Variants in LPP observed in about 807,000 individuals in gnomAD.
LPP encodes LIM domain containing preferred translocation partner in lipoma.
LPP carries 38 observed loss-of-function variants against 60.4 expected under a neutral mutation model. That is an observed-to-expected ratio of 0.63 (90% CI 0.49 to 0.83). The LOEUF (loss-of-function observed/expected upper bound fraction) is 0.83. Among genes scored for constraint, LPP ranks in the 40% least tolerant of loss-of-function variants. The pLI is 0.00. For synonymous variants in LPP, 328 were observed against 290.8 expected (o/e 1.13, Z -1.30); for missense variants, 902 against 783.6 (o/e 1.15, Z -1.80).
chr3:188,673,299 T>G (rs1270398583), intron 7 of LPP, among the ~76,000 whole-genome samples: 3 of 131,018 alleles, frequency 2.3e-5, no homozygotes, highest in Non-Finnish European at 4.8e-5. Context: ...ATCTCATGAA[T>G]GACATAGGGC....
chr3:188,643,760 T>G (rs1221995115), intron 7 of LPP, among the ~76,000 whole-genome samples: 2 of 152,180 alleles, frequency 1.3e-5, no homozygotes, highest in Non-Finnish European at 2.9e-5. Flanking sequence ...GTAGCGTCTA[T>G]GTGCTAGGAT....
chr3:188,827,330 T>G (rs1029236337), intron 9 of LPP, among the ~76,000 whole-genome samples: 5 of 152,142 alleles, frequency 3.3e-5, no homozygotes, highest in African/African-American at 1.2e-4. Flanking sequence ...ATTAGACACA[T>G]GATTGTGAGA....
intron 2 of LPP, among the ~76,000 whole-genome samples, chr3:188,328,420 G>T (rs1759057186): frequency 1.3e-5 from 2 of 152,182 alleles, no homozygotes; most frequent in African/African-American, 4.8e-5. Flanking sequence ...AAAAGCATTT[G>T]AAATATTAGA....
intron 7 of LPP, among the ~76,000 whole-genome samples, chr3:188,676,981 G>A (rs1049124309): frequency 2.0e-5 from 3 of 151,976 alleles, no homozygotes; most frequent in African/African-American, 7.3e-5. Context: ...AGGTCCATGT[G>A]GTAAAGAGTG....
chr3:188,181,449 T>C (rs1006008360), intron 1 of LPP, among the ~76,000 whole-genome samples: 2 of 152,182 alleles, frequency 1.3e-5, no homozygotes, highest in African/African-American at 4.8e-5. Flanking sequence ...TCTGTGTATC[T>C]ATCTTTCTAC....
Position 188,881,796 on chromosome 3 carries a change from C to A in LPP, c.*7317C>A, listed in dbSNP as rs993663424. 2 of 219,466 alleles carry A rather than the reference C, an allele frequency of 9.1e-6. No homozygotes were observed. Among genetic ancestry groups the A allele is most frequent in the African/African-American group, 4.5e-5 (2 of 44,640 alleles). 13.6% of individuals were successfully genotyped at this position (219,466 alleles called of 1,614,324 possible). ...ATAAGACATTTTTCCTCCATATTTTCATATTAAATATTAACACTTTATAGG... is the reference window on the plus strand; with the variant it reads ...ATAAGACATTTTTCCTCCATATTTTAATATTAAATATTAACACTTTATAGG... On this transcript the variant is annotated 3_prime_UTR_variant, in exon 12 of 12. Transcript: ENST00000617246.
chr3:188,508,187 G>T (rs554049866), intron 5 of LPP, among the ~76,000 whole-genome samples: 1 of 152,224 alleles, frequency 6.6e-6, no homozygotes, highest in African/African-American at 2.4e-5. Context: ...AATTTGGAAA[G>T]AGGGGGCTTA....
chr3:188,808,438 G>C (rs910477163), intron 9 of LPP, among the ~76,000 whole-genome samples: 1 of 151,968 alleles, frequency 6.6e-6, no homozygotes, highest in African/African-American at 2.4e-5. Flanking sequence ...CCTCTCCCCG[G>C]GACTAAAATC....
intron 7 of LPP, 60 bp from the exon 8 acceptor site, chr3:188,708,207 G>A: frequency 6.3e-7 from 1 of 1,593,334 alleles, no homozygotes; most frequent in Non-Finnish European, 8.6e-7. Flanking sequence ...TGTTTAGGCT[G>A]ACTGCCTTGG....
intron 4 of LPP, among the ~76,000 whole-genome samples, chr3:188,407,811 A>C (rs1784022104): frequency 2.6e-5 from 2 of 76,620 alleles, no homozygotes; most frequent in African/African-American, 6.1e-5. Context: ...TTTTTTTGAG[A>C]TGGAGTTTCA....
At chr3:188,385,695 G>A (rs1393922165) in intron 3 of LPP, among the ~76,000 whole-genome samples, 3 of 152,226 alleles carry the variant, frequency 2.0e-5, no homozygotes, top group African/African-American at 2.4e-5. Flanking sequence ...CAGGCGTTGT[G>A]GAACATGCTT....
chr3:188,394,012 T>C (rs1275664953), intron 3 of LPP, among the ~76,000 whole-genome samples: 1 of 152,216 alleles, frequency 6.6e-6, no homozygotes, highest in Non-Finnish European at 1.5e-5. Flanking sequence ...TTTCTATTTA[T>C]ACTTGGGGTT....
At chr3:188,398,715 G>A (rs1244638335) in intron 3 of LPP, among the ~76,000 whole-genome samples, 4 of 152,186 alleles carry the variant, frequency 2.6e-5, no homozygotes, top group African/African-American at 7.2e-5. Flanking sequence ...GTCTTCCCAC[G>A]CCTCCACCAC....
chr3:188,400,569 C>T (rs1449050425), intron 3 of LPP, among the ~76,000 whole-genome samples: 2 of 152,114 alleles, frequency 1.3e-5, no homozygotes, highest in Non-Finnish European at 2.9e-5. Flanking sequence ...TAAGTGAAAC[C>T]TCTTAGGTTC....
In LPP at chr3:188,200,786, C is replaced by A. The variant is rs1228814137; in HGVS notation, c.-189-24619C>A. On this transcript the variant is annotated intron_variant, in intron 1 of 11. Transcript: ENST00000617246. The stretch of plus-strand genomic sequence containing the variant: ...AGGCACTCTAGCTGGTGGAAATAGT[C>A]TGATTGAGCCAGCCAAGAGAATATA... Among the ~76,000 whole-genome samples the A allele has an allele frequency of 5.3e-5, 8 of 152,258 alleles. 1 individual carries two copies. The East Asian group carries it at 1.5e-3, about 29-fold the overall frequency.
At chr3:188,281,743 C>T (rs1236097094) in intron 2 of LPP, among the ~76,000 whole-genome samples, 4 of 151,868 alleles carry the variant, frequency 2.6e-5, no homozygotes, top group Non-Finnish European at 4.4e-5. Context: ...AAGAAGTTAC[C>T]GTCATTAGCA....
At chr3:188,303,677 A>T (rs1422519770) in intron 2 of LPP, among the ~76,000 whole-genome samples, 3 of 152,134 alleles carry the variant, frequency 2.0e-5, no homozygotes, top group Non-Finnish European at 2.9e-5. Context: ...GAAGCAGGGC[A>T]CTTGTGGTGA....
chr3:188,324,287 C>T (rs1200965570), intron 2 of LPP, among the ~76,000 whole-genome samples: 2 of 152,294 alleles, frequency 1.3e-5, no homozygotes, highest in Non-Finnish European at 2.9e-5. Flanking sequence ...CTTTTTGCCA[C>T]ATCTCTTGAA....
intron 6 of LPP, among the ~76,000 whole-genome samples, chr3:188,597,255 A>T (rs1261883297): frequency 6.6e-6 from 1 of 152,184 alleles, no homozygotes; most frequent in Non-Finnish European, 1.5e-5. Context: ...TGTTTCAGTT[A>T]TGCACAGATA....
Sources: gnomAD v4.1 joint callset for allele counts (sites outside exome capture counted in the v4.1 genomes callset) on GRCh38, gnomAD v4.1.1 for gene constraint, MANE v1.5 for transcripts, NCBI Gene and HGNC (gene_info 2026-07-23, HGNC 2026-07-21) for gene names.